The following SGK3 variants were observed in gnomAD, a reference collection of about 807,000 sequenced individuals.
The protein encoded by SGK3 is serine/threonine-protein kinase Sgk3.
In SGK3, 47 loss-of-function variants were observed where a neutral mutation model predicts 68.5. The observed-to-expected ratio is 0.69, with a 90% confidence interval of 0.54 to 0.87. The LOEUF is 0.87. Ranked by LOEUF, SGK3 falls within the 40% of genes least tolerant of loss-of-function variation. SGK3 has a pLI of 0.00. For missense variants in SGK3, 479 were observed against 575.5 expected (o/e 0.83, Z 1.72); for synonymous variants, 181 against 189.1 (o/e 0.96, Z 0.35).
At chr8:66,744,582 A>G (rs1386521027) in intron 1 of SGK3, among the ~76,000 whole-genome samples, 2 of 125,918 alleles carry the variant, frequency 1.6e-5, no homozygotes, top group African/African-American at 2.9e-5. Context: ...GCTGGAGCTC[A>G]CTGCAACCTC....
In SGK3 at chr8:66,843,497, G is replaced by A. The variant is rs1191859262; in HGVS notation, c.1024G>A (p.Val342Ile). ...VIRKQPYDNT[V>I]DWWCLGAVLY... is the part of the protein sequence containing the mutation. ...TAGAAAACAGCCCTATGACAATACT[G>A]TAGATTGGTGGTGCCTTGGGGCTGT... The change falls in exon 14 of 17, where the codon GTA becomes ATA. Residue 342 changes from valine to isoleucine, a missense_variant. Physicochemically the swap from Val to Ile is conservative, Grantham distance 29. Transcript: ENST00000521198. The A allele has an allele frequency of 1.2e-6, 2 of 1,613,846 alleles. No homozygotes were observed. The highest frequency in any genetic ancestry group is 2.7e-5 in the African/African-American group (2 of 74,934).
At chr8:66,858,248 G>A (rs925853985) in intron 16 of SGK3, among the ~76,000 whole-genome samples, 14 of 151,868 alleles carry the variant, frequency 9.2e-5, no homozygotes, top group African/African-American at 3.1e-4. Flanking sequence ...GGTGGATCAC[G>A]AGGTCAGGAG....
At position 66,712,845 on chromosome 8, in the gene SGK3, G is replaced by GCCGGCGGGAGGGTCCGCGCGC. The variant is rs1804527197; in HGVS notation, c.-122+17_-122+37dup. 2 of 151,500 alleles carry GCCGGCGGGAGGGTCCGCGCGC rather than the reference G, an allele frequency of 1.3e-5. No homozygotes were observed. Among genetic ancestry groups the GCCGGCGGGAGGGTCCGCGCGC allele is most frequent in the Non-Finnish European group, 1.5e-5 (1 of 67,818 alleles). The allele number at this position is 151,500 out of a possible 1,614,324, so 9.4% of individuals were successfully genotyped here. On this transcript the variant is annotated intron_variant, in intron 1 of 16. Transcript: ENST00000521198. Reference sequence around the variant, plus strand: ...CACCGCGGGGCCAGGTAGGTGCGGGGCCGGCGGGAGGGTCCGCGCGCCCGG... The same window carrying GCCGGCGGGAGGGTCCGCGCGC: ...CACCGCGGGGCCAGGTAGGTGCGGGGCCGGCGGGAGGGTCCGCGCGCCCGGCGGGAGGGTCCGCGCGCCCGG...
chr8:66,759,123 T>C (rs1806077709), intron 1 of SGK3, among the ~76,000 whole-genome samples: 1 of 149,116 alleles, frequency 6.7e-6, no homozygotes, highest in African/African-American at 2.5e-5. Context: ...TGTCTCCCTG[T>C]CTCCCAGGCT....
intron 3 of SGK3, among the ~76,000 whole-genome samples, chr8:66,800,133 A>T (rs1807868388): frequency 1.3e-5 from 2 of 151,946 alleles, no homozygotes. Context: ...GAAGGTCAGG[A>T]GATCGAGACC....
At chr8:66,763,948 C>T (rs991892765) in intron 1 of SGK3, among the ~76,000 whole-genome samples, 3 of 152,178 alleles carry the variant, frequency 2.0e-5, no homozygotes, top group Admixed American at 2.0e-4. Context: ...TAGCTCACTG[C>T]GGCCTCAACC....
At chr8:66,794,153 A>T (rs896426532) in intron 2 of SGK3, among the ~76,000 whole-genome samples, 2 of 152,254 alleles carry the variant, frequency 1.3e-5, no homozygotes, top group Non-Finnish European at 1.5e-5. Context: ...TCAGGAATTA[A>T]TGGACTCCTG....
intron 16 of SGK3, among the ~76,000 whole-genome samples, chr8:66,854,459 T>G (rs558006704): frequency 4.9e-4 from 75 of 151,974 alleles, no homozygotes; most frequent in Non-Finnish European, 6.9e-4. Flanking sequence ...GTGATAGGAG[T>G]GGCTTGGCCA....
In SGK3 at chr8:66,758,534, ATC is replaced by A. The variant is rs530867386; in HGVS notation, c.-121-35076_-121-35075del. ...TACAATATGTTGTTTTAAGTGAAAT[ATC>A]TCTCTATATCTATATATAGATATAT... On this transcript the variant is annotated intron_variant, in intron 1 of 16. Coordinates refer to ENST00000521198, the MANE Select transcript of SGK3 (RefSeq NM_001033578.3). Among the ~76,000 whole-genome samples, 486 of 152,264 alleles carry A rather than the reference ATC, an allele frequency of 3.2e-3. 5 individuals carry two copies. Among genetic ancestry groups the A allele is most frequent in the African/African-American group, 0.011 (475 of 41,560 alleles).
chr8:66,817,172 C>T (rs1187060198), intron 5 of SGK3, among the ~76,000 whole-genome samples: 1 of 151,984 alleles, frequency 6.6e-6, no homozygotes, highest in Non-Finnish European at 1.5e-5. Flanking sequence ...GTGGCTCACG[C>T]CTGTAATCTC....
intron 14 of SGK3, among the ~76,000 whole-genome samples, chr8:66,846,213 C>T (rs1334975016): frequency 6.6e-6 from 1 of 152,172 alleles, no homozygotes; most frequent in East Asian, 1.9e-4. Flanking sequence ...TTGTAGGTTA[C>T]ATATTACAAC....
chr8:66,855,568 T>C (rs1048836680), intron 16 of SGK3, among the ~76,000 whole-genome samples: 1 of 152,166 alleles, frequency 6.6e-6, no homozygotes, highest in African/African-American at 2.4e-5. Context: ...TTTAGAAATA[T>C]CTGCATAAAA....
intron 1 of SGK3, among the ~76,000 whole-genome samples, chr8:66,776,104 C>A (rs1806701467): frequency 6.6e-6 from 1 of 152,172 alleles, no homozygotes; most frequent in Non-Finnish European, 1.5e-5. Flanking sequence ...ATATTCTTTC[C>A]TCAGAGCTGT....
intron 16 of SGK3, among the ~76,000 whole-genome samples, chr8:66,852,196 CTGATT>C (rs745926833): frequency 7.3e-5 from 11 of 150,386 alleles, no homozygotes; most frequent in South Asian, 6.3e-4. Flanking sequence ...TAAGCCAAGA[CTGATT>C]TGGAGTTTTA....
rs55851378 is a variant in SGK3, at chr8:66,750,861, C to T, written c.-122+38028C>T. 5.6e-3 allele frequency among the ~76,000 whole-genome samples: 851 copies of T among 151,448 alleles called. 7 individuals are homozygous for T. The highest frequency in any genetic ancestry group is 0.01 in the Non-Finnish European group (707 of 67,882). On this transcript the variant is annotated intron_variant, in intron 1 of 16. Transcript: ENST00000521198. The stretch of plus-strand genomic sequence containing the variant: ...CTCTACCAAAAAATATAAAAATTAG[C>T]CAGGCATGGTGATGGTGCACCTATA...
intron 1 of SGK3, among the ~76,000 whole-genome samples, chr8:66,760,334 T>C (rs990287716): frequency 5.7e-5 from 7 of 122,052 alleles, no homozygotes; most frequent in African/African-American, 1.4e-4. Flanking sequence ...TTTTTTCTTT[T>C]TTTTTTTTTT....
chr8:66,845,306 G>A (rs1419820562), intron 14 of SGK3, among the ~76,000 whole-genome samples: 1 of 152,102 alleles, frequency 6.6e-6, no homozygotes, highest in Non-Finnish European at 1.5e-5. Context: ...GGCTGAGTCA[G>A]GAGAATCACT....
chr8:66,801,623 G>A (rs144860861), intron 3 of SGK3, among the ~76,000 whole-genome samples: 3 of 151,922 alleles, frequency 2.0e-5, no homozygotes, highest in African/African-American at 7.3e-5. Flanking sequence ...GTGTCTGTCT[G>A]TCTCTGTCTC....
intron 1 of SGK3, among the ~76,000 whole-genome samples, chr8:66,747,490 A>G (rs1401167953): frequency 1.3e-5 from 2 of 152,174 alleles, no homozygotes; most frequent in African/African-American, 2.4e-5. Context: ...GGAGACCAAG[A>G]TCTGGTATGG....
Sources: allele counts gnomAD v4.1 joint callset (sites outside exome capture counted in the v4.1 genomes callset), GRCh38; gene constraint gnomAD v4.1.1; transcripts MANE v1.5; gene names NCBI Gene and HGNC (gene_info 2026-07-23, HGNC 2026-07-21).